LUZP2: variants seen among roughly 807,000 people sequenced by gnomAD.
The protein encoded by LUZP2 is leucine zipper protein 2.
LUZP2 carries 52 observed loss-of-function variants against 51.6 expected under a neutral mutation model. The observed-to-expected ratio is 1.01, with a 90% CI of 0.81 to 1.27. The LOEUF is 1.27. Among genes scored for constraint, LUZP2 ranks in the 50% most tolerant of loss-of-function variants. The pLI is 0.00. For synonymous variants in LUZP2, 154 were observed against 137.3 expected, an observed-to-expected ratio of 1.12 and a Z score of -0.85; for missense variants, 436 against 395.4, an observed-to-expected ratio of 1.10 and a Z score of -0.87.
intron 5 of LUZP2, among the ~76,000 whole-genome samples, chr11:24,843,242 A>G (rs115151533): frequency 0.014 from 2,097 of 152,190 alleles, 53 homozygotes; most frequent in African/African-American, 0.046. Context: ...GTTCCCAAAG[A>G]TAAAAAAACA....
intron 4 of LUZP2, among the ~76,000 whole-genome samples, chr11:24,745,672 A>ATTTGT (rs370565971): frequency 0.012 from 1,752 of 151,644 alleles, 16 homozygotes; most frequent in Non-Finnish European, 0.017. Context: ...TTGTTGTTTG[A>ATTTGT]TTTGTTTTGT....
intron 5 of LUZP2, among the ~76,000 whole-genome samples, chr11:24,816,281 C>A (rs906823609): frequency 3.5e-4 from 52 of 150,488 alleles, no homozygotes; most frequent in Non-Finnish European, 1.6e-4. Flanking sequence ...TTTCTAAAAT[C>A]TTTTTTTTTC....
intron 9 of LUZP2, among the ~76,000 whole-genome samples, chr11:24,987,336 G>A (rs1056576815): frequency 7.2e-5 from 11 of 151,890 alleles, no homozygotes; most frequent in Admixed American, 3.3e-4. Flanking sequence ...TATCATAAAA[G>A]TATAGCAGAA....
chr11:24,822,025 G>A lies in LUZP2; in HGVS notation c.396+58717G>A, dbSNP rs200790850. Among the ~76,000 whole-genome samples the A allele has an allele frequency of 2.1e-5, 3 of 143,168 alleles. No individual in the cohort carries two copies. In the Admixed American group the frequency reaches 2.1e-4, roughly 10 times the overall value. The allele number at this position is 143,168 out of a possible 152,430, so 93.9% of individuals were successfully genotyped here. On this transcript the variant is annotated intron_variant, in intron 5 of 11. Transcript: ENST00000336930. ...ACAGTTTACTTAATATTATGCAGGGGTTTTTTTTTTTGGCCTTTGAATAAT... is the reference window on the plus strand; with the variant it reads ...ACAGTTTACTTAATATTATGCAGGGATTTTTTTTTTTGGCCTTTGAATAAT...
At chr11:24,844,557 G>A (rs2716514) in intron 5 of LUZP2, among the ~76,000 whole-genome samples, 23,061 of 152,072 alleles carry the variant, frequency 0.15, 1,921 homozygotes, top group African/African-American at 0.2. Context: ...TAAGTAACAG[G>A]CAGCCAAATG....
intron 7 of LUZP2, among the ~76,000 whole-genome samples, chr11:24,938,299 A>G (rs957360323): frequency 2.6e-5 from 4 of 152,206 alleles, no homozygotes; most frequent in Non-Finnish European, 4.4e-5. Flanking sequence ...CAACAGCTAA[A>G]TATGATTTTT....
intron 7 of LUZP2, among the ~76,000 whole-genome samples, chr11:24,937,701 A>G (rs552277641): frequency 6.6e-6 from 1 of 152,110 alleles, no homozygotes; most frequent in Admixed American, 6.5e-5. Flanking sequence ...GGAGATCAAG[A>G]CCATCCTGGC....
At chr11:24,851,283 T>C (rs535989176) in intron 5 of LUZP2, among the ~76,000 whole-genome samples, 85 of 152,290 alleles carry the variant, frequency 5.6e-4, no homozygotes, top group African/African-American at 1.9e-3. Context: ...TTGAGATACA[T>C]TCCATCAATA....
At chr11:25,001,299 T>G (rs1035293761) in intron 9 of LUZP2, among the ~76,000 whole-genome samples, 2 of 152,198 alleles carry the variant, frequency 1.3e-5, no homozygotes, top group African/African-American at 4.8e-5. Context: ...GACCAATTAT[T>G]AGGCAATTTT....
intron 5 of LUZP2, among the ~76,000 whole-genome samples, chr11:24,851,723 T>C (rs574661395): frequency 1.3e-5 from 2 of 152,298 alleles, no homozygotes; most frequent in Admixed American, 1.3e-4. Flanking sequence ...TCTGATAGAA[T>C]TTGGCTGTGA....
intron 1 of LUZP2, among the ~76,000 whole-genome samples, chr11:24,698,943 A>G (rs1359188484): frequency 6.6e-6 from 1 of 152,110 alleles, no homozygotes; most frequent in Non-Finnish European, 1.5e-5. Context: ...CTGTAGTCCC[A>G]GTTATTTTAG....
chr11:24,809,354 T>C (rs146183891), intron 5 of LUZP2, among the ~76,000 whole-genome samples: 70 of 152,298 alleles, frequency 4.6e-4, no homozygotes, highest in Non-Finnish European at 8.1e-4. Flanking sequence ...CTTGTTGACA[T>C]GTCACAGATG....
chr11:24,738,211 AC>A lies in LUZP2; in HGVS notation c.252-9del. On this transcript the variant is annotated splice_polypyrimidine_tract_variant and intron_variant, in intron 3 of 11. Transcript: ENST00000336930. ...TTTTCTCACTTATGCTCTGTTTTCTACTAAAATAGAGAAGAAATGAAGTCTC... is the reference window on the plus strand; with the variant it reads ...TTTTCTCACTTATGCTCTGTTTTCTATAAAATAGAGAAGAAATGAAGTCTC... 1 of 1,562,388 alleles carries A rather than the reference AC, an allele frequency of 6.4e-7. No homozygotes were observed. Among genetic ancestry groups the A allele is most frequent in the Non-Finnish European group, 8.8e-7 (1 of 1,136,126 alleles).
intron 5 of LUZP2, among the ~76,000 whole-genome samples, chr11:24,783,586 T>C (rs1355593903): frequency 6.6e-6 from 1 of 151,978 alleles, no homozygotes; most frequent in Non-Finnish European, 1.5e-5. Context: ...CTGGTATGCA[T>C]TTTAAATTAT....
intron 10 of LUZP2, among the ~76,000 whole-genome samples, chr11:25,075,630 A>T (rs548335374): frequency 3.9e-4 from 60 of 152,180 alleles, no homozygotes; most frequent in Admixed American, 7.9e-4. Flanking sequence ...CCTTTAGAGC[A>T]TGGAAGGATG....
intron 5 of LUZP2, among the ~76,000 whole-genome samples, chr11:24,763,727 C>T (rs1235916802): frequency 6.6e-6 from 1 of 152,102 alleles, no homozygotes; most frequent in African/African-American, 2.4e-5. Context: ...TAAATTTAAA[C>T]ATAAACAAGT....
At chr11:24,546,518 A>G (rs1678060590) in intron 1 of LUZP2, among the ~76,000 whole-genome samples, 1 of 152,046 alleles carries the variant, frequency 6.6e-6, no homozygotes, top group African/African-American at 2.4e-5. Flanking sequence ...TTTTGCACCT[A>G]TTAACATGAT....
intron 1 of LUZP2, among the ~76,000 whole-genome samples, chr11:24,689,911 T>C (rs1857017205): frequency 6.6e-6 from 1 of 152,108 alleles, no homozygotes; most frequent in African/African-American, 2.4e-5. Flanking sequence ...ACTAATTTTC[T>C]TTCCAGAATT....
At chr11:24,825,832 C>A (rs2716484) in intron 5 of LUZP2, among the ~76,000 whole-genome samples, 109,842 of 151,790 alleles carry the variant, frequency 0.72, 40,924 homozygotes, top group Non-Finnish European at 0.8. Flanking sequence ...TTCCATTTTC[C>A]TTATTGATTA....
Sources: allele counts gnomAD v4.1 joint callset (sites outside exome capture counted in the v4.1 genomes callset), GRCh38; gene constraint gnomAD v4.1.1; transcripts MANE v1.5; gene names NCBI Gene and HGNC (gene_info 2026-07-23, HGNC 2026-07-21).